The following SLC39A11 variants were observed in gnomAD, a reference collection of about 807,000 sequenced individuals.
SLC39A11 encodes the protein zinc transporter ZIP11.
SLC39A11 carries 33 observed loss-of-function variants against 36.1 expected under a neutral mutation model. The ratio of observed to expected loss-of-function variants is 0.91; its 90% CI spans 0.69 to 1.22. The LOEUF is 1.22. SLC39A11 is among the 50% of genes most tolerant of loss of function. The pLI, the probability that SLC39A11 is intolerant of heterozygous loss-of-function variation, is 0.00. For missense variants in SLC39A11, 432 were observed against 430.3 expected, an observed-to-expected ratio of 1.00 and a Z score of -0.03; for synonymous variants, 166 against 170.3, an observed-to-expected ratio of 0.97 and a Z score of 0.20.
At chr17:72,967,077 C>T (rs578255679) in intron 4 of SLC39A11, among the ~76,000 whole-genome samples, 6 of 152,288 alleles carry the variant, frequency 3.9e-5, no homozygotes, top group Admixed American at 2.0e-4. Context: ...ATGGGACCAC[C>T]TCGTTGCAGG....
rs556394661 is a variant in SLC39A11, at chr17:72,692,708, C to G, written c.672-43440G>C. On this transcript the variant is annotated intron_variant, in intron 7 of 9. Coordinates refer to ENST00000255559, the MANE Select transcript of SLC39A11 (RefSeq NM_139177.4). The stretch of plus-strand genomic sequence containing the variant: ...GATTTGAATGGGGACACAGCCAAAC[C>G]CTATCAGATGGGGTGGGGATGAGAA... Among the ~76,000 whole-genome samples, 60 of 152,294 alleles carry G rather than the reference C, an allele frequency of 3.9e-4. 1 individual carries two copies. In the Middle Eastern group the frequency reaches 0.01, roughly 26 times the overall value.
intron 7 of SLC39A11, among the ~76,000 whole-genome samples, chr17:72,658,496 C>T (rs1016675973): frequency 3.9e-5 from 6 of 152,206 alleles, no homozygotes; most frequent in Admixed American, 6.5e-5. Context: ...GACCCTGTTT[C>T]GCCCCAGGGG....
At position 72,778,790 on chromosome 17, in the gene SLC39A11, C is replaced by G. The variant is rs181254039; in HGVS notation, c.602-42071G>C. Reference sequence around the variant, plus strand: ...GCTGAGCAAGACCTTTTCCCTTCCACATTACATTTGGTTTTTCTCCCCTAA... The same window carrying G: ...GCTGAGCAAGACCTTTTCCCTTCCAGATTACATTTGGTTTTTCTCCCCTAA... On this transcript the variant is annotated intron_variant, in intron 6 of 9. Coordinates refer to ENST00000255559, the MANE Select transcript of SLC39A11 (RefSeq NM_139177.4). Among the ~76,000 whole-genome samples, 6 of 152,346 alleles carry G rather than the reference C, an allele frequency of 3.9e-5. No individual in the cohort carries two copies. The East Asian group carries it at 7.7e-4, about 20-fold the overall frequency.
intron 5 of SLC39A11, among the ~76,000 whole-genome samples, chr17:72,874,863 G>A (rs2080815054): frequency 6.6e-6 from 1 of 152,214 alleles, no homozygotes; most frequent in Non-Finnish European, 1.5e-5. Flanking sequence ...ATAAGACAAA[G>A]ATTGTAGAGT....
At chr17:72,728,433 C>A (rs567733031) in intron 7 of SLC39A11, among the ~76,000 whole-genome samples, 1 of 151,844 alleles carries the variant, frequency 6.6e-6, no homozygotes, top group African/African-American at 2.4e-5. Context: ...CAGAGTGAGA[C>A]CCTGTCAAAA....
chr17:72,990,591 A>AT (rs761811155), intron 4 of SLC39A11, among the ~76,000 whole-genome samples: 13 of 151,860 alleles, frequency 8.6e-5, no homozygotes, highest in Non-Finnish European at 1.8e-4. Flanking sequence ...GGTCCAGCTA[A>AT]TTTTTTTTGT....
At chr17:72,840,533 C>T (rs1306778264) in intron 6 of SLC39A11, among the ~76,000 whole-genome samples, 5 of 152,118 alleles carry the variant, frequency 3.3e-5, no homozygotes, top group African/African-American at 7.2e-5. Flanking sequence ...CCAAGGTGGG[C>T]GGATCACCTG....
At chr17:72,941,006 G>A (rs1391062451) in intron 5 of SLC39A11, among the ~76,000 whole-genome samples, 1 of 152,180 alleles carries the variant, frequency 6.6e-6, no homozygotes, top group African/African-American at 2.4e-5. Context: ...GACACCGACA[G>A]GCACAGAGGA....
intron 6 of SLC39A11, among the ~76,000 whole-genome samples, chr17:72,812,618 C>G (rs952375177): frequency 4.6e-5 from 7 of 152,162 alleles, no homozygotes; most frequent in South Asian, 2.1e-4. Flanking sequence ...TATTACCCAG[C>G]CTTGGACAAG....
chr17:73,069,328 C>T (rs1365155398), intron 3 of SLC39A11, among the ~76,000 whole-genome samples: 1 of 152,216 alleles, frequency 6.6e-6, no homozygotes, highest in African/African-American at 2.4e-5. Context: ...TCTCCCCAGC[C>T]GACCTTGAGC....
chr17:72,698,675 A>G (rs115683705), intron 7 of SLC39A11, among the ~76,000 whole-genome samples: 2,591 of 152,216 alleles, frequency 0.017, 85 homozygotes, highest in African/African-American at 0.06. Context: ...GCAAATATTT[A>G]TTTGTGCCAT....
At chr17:72,735,556 ACT>A (rs1397174392) in intron 7 of SLC39A11, among the ~76,000 whole-genome samples, 1 of 152,232 alleles carries the variant, frequency 6.6e-6, no homozygotes, top group Non-Finnish European at 1.5e-5. Context: ...GAGCCACTGC[ACT>A]GAGTTATGTT....
At chr17:72,772,526 C>A (rs1393849679) in intron 6 of SLC39A11, among the ~76,000 whole-genome samples, 1 of 152,136 alleles carries the variant, frequency 6.6e-6, no homozygotes, top group Admixed American at 6.5e-5. Flanking sequence ...ATAACTGACC[C>A]TGCTTAAGAA....
rs77447962 is a variant in SLC39A11 at position 73,040,647 on chromosome 17, TA to T, written c.148-8934del. On this transcript the variant is annotated intron_variant, in intron 3 of 9. Coordinates refer to ENST00000255559, the MANE Select transcript of SLC39A11 (RefSeq NM_139177.4). The stretch of plus-strand genomic sequence containing the variant: ...CCTGTATTATTTTTGCAACATTTCT[TA>T]AAATCTAAAATACTTCCAAATAAAG... 2.4e-3 allele frequency among the ~76,000 whole-genome samples: 370 copies of T among 152,324 alleles called. 5 individuals carry two copies. The South Asian group carries it at 0.028, about 12-fold the overall frequency.
intron 6 of SLC39A11, among the ~76,000 whole-genome samples, chr17:72,788,358 T>A (rs2076587607): frequency 6.6e-6 from 1 of 152,228 alleles, no homozygotes; most frequent in South Asian, 2.1e-4. Flanking sequence ...TTTTCTCTGA[T>A]GATCTTTCTC....
intron 6 of SLC39A11, among the ~76,000 whole-genome samples, chr17:72,757,892 T>C (rs1034390019): frequency 6.6e-6 from 1 of 152,130 alleles, no homozygotes; most frequent in Non-Finnish European, 1.5e-5. Context: ...TGTTTGTTTT[T>C]GTTTTTGTTT....
At chr17:73,079,420 C>T (rs894224581) in intron 3 of SLC39A11, among the ~76,000 whole-genome samples, 1 of 152,112 alleles carries the variant, frequency 6.6e-6, no homozygotes, top group Non-Finnish European at 1.5e-5. Flanking sequence ...CTTTATCATG[C>T]TTCCCTGCCA....
chr17:72,868,616 T>TATAA (rs1567853955), intron 5 of SLC39A11, among the ~76,000 whole-genome samples: 11 of 22,704 alleles, frequency 4.8e-4, no homozygotes, highest in African/African-American at 1.7e-3. Context: ...CCCCTGTCTC[T>TATAA]ACAAAAAAAA....
intron 7 of SLC39A11, among the ~76,000 whole-genome samples, chr17:72,702,392 T>C (rs1377927554): frequency 6.6e-6 from 1 of 152,098 alleles, no homozygotes; most frequent in African/African-American, 2.4e-5. Context: ...TCTGCAGACA[T>C]TTTTGGTTGT....
Sources: gnomAD v4.1 joint callset for allele counts (sites outside exome capture counted in the v4.1 genomes callset) on GRCh38, gnomAD v4.1.1 for gene constraint, MANE v1.5 for transcripts, NCBI Gene and HGNC (gene_info 2026-07-23, HGNC 2026-07-21) for gene names.